Variants in LRRC4C observed in about 807,000 individuals in gnomAD.
LRRC4C encodes the protein leucine rich repeat containing 4C.
In LRRC4C, 5 loss-of-function variants were observed where a neutral mutation model predicts 33.6. The ratio of observed to expected loss-of-function variants is 0.15; its 90% CI spans 0.08 to 0.31. LRRC4C has a LOEUF of 0.31. LRRC4C is among the 10% of genes least tolerant of loss of function. The probability of loss-of-function intolerance (pLI) is 1.00; values close to 1 mark genes in which losing one functional copy is unlikely to be tolerated. For synonymous variants in LRRC4C, 329 were observed against 302.0 expected (o/e 1.09, Z -0.93); for missense variants, 560 against 796.7 (o/e 0.70, Z 3.58).
chr11:41,320,891 C>A (rs1950939212), intron 1 of LRRC4C, among the ~76,000 whole-genome samples: 1 of 152,166 alleles, frequency 6.6e-6, no homozygotes, highest in African/African-American at 2.4e-5. Flanking sequence ...TCTGTGATTG[C>A]AGGAATGAAG....
chr11:40,417,358 G>A (rs1440106), intron 3 of LRRC4C, among the ~76,000 whole-genome samples: 52,426 of 151,474 alleles, frequency 0.35, 10,017 homozygotes, highest in South Asian at 0.46. Flanking sequence ...CTGAGATGGA[G>A]TCTTGCTCTG....
chr11:40,923,075 T>A (rs534384740), intron 2 of LRRC4C, among the ~76,000 whole-genome samples: 5 of 152,300 alleles, frequency 3.3e-5, no homozygotes, highest in African/African-American at 9.6e-5. Flanking sequence ...TCTGCCCCCC[T>A]CAGCCTCCCA....
intron 2 of LRRC4C, among the ~76,000 whole-genome samples, chr11:40,721,139 C>A (rs1162974871): frequency 6.6e-6 from 1 of 152,096 alleles, no homozygotes; most frequent in Non-Finnish European, 1.5e-5. Flanking sequence ...GGACTGAATG[C>A]TTGTATCCTT....
intron 3 of LRRC4C, among the ~76,000 whole-genome samples, chr11:40,565,175 C>T (rs893182709): frequency 6.6e-6 from 1 of 152,134 alleles, no homozygotes; most frequent in Non-Finnish European, 1.5e-5. Context: ...TGTTTCCTCT[C>T]AGGAGGAGAA....
At chr11:41,338,832 T>A (rs930793339) in intron 1 of LRRC4C, among the ~76,000 whole-genome samples, 1 of 151,582 alleles carries the variant, frequency 6.6e-6, no homozygotes, top group African/African-American at 2.4e-5. Flanking sequence ...TCCTACTCTC[T>A]AAAAAAAAAT....
At chr11:40,319,859 A>G (rs949360037) in intron 3 of LRRC4C, 138 bp from the exon 4 acceptor site, 7 of 152,170 alleles carry the variant, frequency 4.6e-5, no homozygotes, top group Non-Finnish European at 7.4e-5. Context: ...TCTTTCATAC[A>G]TGTGTGTGTT....
chr11:40,266,339 C>T (rs1389496979), intron 4 of LRRC4C, among the ~76,000 whole-genome samples: 2 of 151,502 alleles, frequency 1.3e-5, no homozygotes, highest in Admixed American at 6.6e-5. Flanking sequence ...AAGAAGGCGG[C>T]GGCGAATGTG....
At chr11:41,099,867 G>T (rs1290197721) in intron 1 of LRRC4C, among the ~76,000 whole-genome samples, 1 of 152,048 alleles carries the variant, frequency 6.6e-6, no homozygotes, top group Non-Finnish European at 1.5e-5. Flanking sequence ...TAAATAAAGG[G>T]TATCCAAATA....
At chr11:40,336,173 T>A (rs891790325) in intron 3 of LRRC4C, among the ~76,000 whole-genome samples, 4 of 152,208 alleles carry the variant, frequency 2.6e-5, no homozygotes, top group South Asian at 4.1e-4. Flanking sequence ...GAAATTTACC[T>A]TCTAACGTAA....
At chr11:40,171,583 T>C (rs1207739049) in intron 5 of LRRC4C, among the ~76,000 whole-genome samples, 2 of 152,026 alleles carry the variant, frequency 1.3e-5, no homozygotes, top group African/African-American at 4.8e-5. Context: ...AAAAAAGGGG[T>C]CTTTATAAGC....
intron 1 of LRRC4C, among the ~76,000 whole-genome samples, chr11:41,361,107 G>A (rs1195830640): frequency 6.6e-6 from 1 of 152,138 alleles, no homozygotes; most frequent in Non-Finnish European, 1.5e-5. Flanking sequence ...CTTTAAAACA[G>A]GAAGACAGCA....
At position 40,310,475 on chromosome 11, in the gene LRRC4C, C is replaced by A. The variant is rs1255453313; in HGVS notation, c.-176+9153G>T. Among the ~76,000 whole-genome samples the A allele has an allele frequency of 5.3e-5, 8 of 152,106 alleles. No individual in the cohort carries two copies. In the East Asian group the frequency reaches 7.7e-4, roughly 15 times the overall value. On this transcript the variant is annotated intron_variant, in intron 4 of 6. Transcript: ENST00000528697. ...TATAGGCTATAGTAACATCAATAAACCTATTTTATTGAAGGAAAAATCAGA... is the reference window on the plus strand; with the variant it reads ...TATAGGCTATAGTAACATCAATAAAACTATTTTATTGAAGGAAAAATCAGA...
intron 1 of LRRC4C, among the ~76,000 whole-genome samples, chr11:41,145,044 T>C (rs1016160560): frequency 6.6e-6 from 1 of 152,178 alleles, no homozygotes; most frequent in East Asian, 1.9e-4. Flanking sequence ...ATTGTTCACA[T>C]AATGTTGTAT....
chr11:40,872,983 T>C (rs1268953637), intron 2 of LRRC4C, among the ~76,000 whole-genome samples: 1 of 152,072 alleles, frequency 6.6e-6, no homozygotes, highest in Non-Finnish European at 1.5e-5. Flanking sequence ...TAAGTTAAAC[T>C]TTCAGTTTGG....
At chr11:40,676,531 C>A (rs1474599401) in intron 2 of LRRC4C, among the ~76,000 whole-genome samples, 1 of 152,178 alleles carries the variant, frequency 6.6e-6, no homozygotes. Flanking sequence ...CAAGCTTCAT[C>A]AATACCTGCC....
chr11:41,194,678 A>G (rs931751828), intron 1 of LRRC4C, among the ~76,000 whole-genome samples: 2 of 152,078 alleles, frequency 1.3e-5, no homozygotes, highest in Non-Finnish European at 2.9e-5. Context: ...AAAACATGTG[A>G]GCTTAGAAGT....
At chr11:41,043,068 CTTTTTTTT>C (rs67605827) in intron 1 of LRRC4C, among the ~76,000 whole-genome samples, 11 of 75,818 alleles carry the variant, frequency 1.5e-4, no homozygotes, top group African/African-American at 4.0e-4. Context: ...CAGAATAGAC[CTTTTTTTT>C]TTTTTTTTTT....
At chr11:41,063,786 T>G (rs1330734016) in intron 1 of LRRC4C, among the ~76,000 whole-genome samples, 1 of 152,202 alleles carries the variant, frequency 6.6e-6, no homozygotes, top group Admixed American at 6.5e-5. Context: ...CCAGTCTAGA[T>G]CTTTAGAGCA....
At chr11:40,196,642 A>C (rs1262111181) in intron 5 of LRRC4C, among the ~76,000 whole-genome samples, 1 of 152,204 alleles carries the variant, frequency 6.6e-6, no homozygotes, top group Non-Finnish European at 1.5e-5. Flanking sequence ...TATTGAGTAC[A>C]TTTCTCATTG....
Sources: gnomAD v4.1 joint callset for allele counts (sites outside exome capture counted in the v4.1 genomes callset) on GRCh38, gnomAD v4.1.1 for gene constraint, MANE v1.5 for transcripts, NCBI Gene and HGNC (gene_info 2026-07-23, HGNC 2026-07-21) for gene names.